SPATA17: variants seen among roughly 807,000 people sequenced by gnomAD.
SPATA17 encodes spermatogenesis-associated protein 17.
Under a neutral mutation model 62.2 loss-of-function variants are expected in SPATA17, and 53 were observed. That is an observed-to-expected ratio of 0.85 (90% CI 0.68 to 1.07). The LOEUF is 1.07. Ranked by LOEUF, SPATA17 falls within the 50% of genes least tolerant of loss-of-function variation. The pLI is 0.00. For missense variants in SPATA17, 466 were observed against 425.5 expected (o/e 1.10, Z -0.84); for synonymous variants, 146 against 146.8 (o/e 0.99, Z 0.04).
At chr1:217,812,550 T>A (rs1458592372) in intron 9 of SPATA17, among the ~76,000 whole-genome samples, 1 of 152,134 alleles carries the variant, frequency 6.6e-6, no homozygotes, top group Non-Finnish European at 1.5e-5. Context: ...TGTTAGATTC[T>A]AAGTCTGTGT....
chr1:217,664,528 C>T (rs1670649178), intron 3 of SPATA17, among the ~76,000 whole-genome samples: 1 of 151,906 alleles, frequency 6.6e-6, no homozygotes, highest in Non-Finnish European at 1.5e-5. Context: ...CTCCTGACCT[C>T]CAGTGATCTG....
intron 7 of SPATA17, among the ~76,000 whole-genome samples, chr1:217,778,281 G>A (rs756241058): frequency 3.9e-5 from 6 of 152,108 alleles, no homozygotes; most frequent in Admixed American, 6.5e-5. Context: ...GTGGATTACA[G>A]GCTGGAGTGG....
chr1:217,806,144 C>A (rs1674431725), intron 9 of SPATA17, among the ~76,000 whole-genome samples: 1 of 152,188 alleles, frequency 6.6e-6, no homozygotes, highest in African/African-American at 2.4e-5. Context: ...TCAGTGAAGT[C>A]TAAAACCTAA....
chr1:217,808,961 A>G (rs190525154), intron 9 of SPATA17, among the ~76,000 whole-genome samples: 36 of 152,310 alleles, frequency 2.4e-4, no homozygotes, highest in African/African-American at 8.7e-4. Flanking sequence ...ATAAAGGGAA[A>G]GCATCATGGT....
intron 8 of SPATA17, among the ~76,000 whole-genome samples, chr1:217,793,421 C>T (rs1674054014): frequency 1.3e-5 from 2 of 151,924 alleles, no homozygotes; most frequent in Admixed American, 1.3e-4. Flanking sequence ...GGGGTTTCAC[C>T]GTGTTAGCCA....
rs144297522 is a variant in SPATA17, at chr1:217,774,413, C to T, written c.599C>T (p.Thr200Ile). 7 of 1,614,030 alleles carry T rather than the reference C, an allele frequency of 4.3e-6. No individual in the cohort carries two copies. The East Asian group carries it at 1.6e-4, about 36-fold the overall frequency. ...CAATTACAGAAGGCAAAGCCTTTAA[C>T]ACACCGAAGACCTAAAGTTAAGCAG... ...ELQLQKAKPL[T>I]HRRPKVKQKD... The change falls in exon 7 of 11, where the codon ACA (threonine) becomes ATA (isoleucine). Residue 200 changes from threonine to isoleucine, a missense_variant. Coordinates refer to ENST00000366933, the MANE Select transcript of SPATA17 (RefSeq NM_138796.4).
chr1:217,818,441 G>A lies in SPATA17; in HGVS notation c.1005+16591G>A, dbSNP rs369247686. Among the ~76,000 whole-genome samples, 46 of 152,106 alleles carry A rather than the reference G, an allele frequency of 3.0e-4. No individual in the cohort carries two copies. The East Asian group carries it at 3.7e-3, about 12-fold the overall frequency. ...ATGGTATAGCCTACTACAGACCTACGGTATATGGTATAGCCTACTGCTCCT... is the reference window on the plus strand; with the variant it reads ...ATGGTATAGCCTACTACAGACCTACAGTATATGGTATAGCCTACTGCTCCT... On this transcript the variant is annotated intron_variant, in intron 9 of 10. Coordinates refer to ENST00000366933, the MANE Select transcript of SPATA17 (RefSeq NM_138796.4).
chr1:217,808,094 G>T (rs755661846), intron 9 of SPATA17, among the ~76,000 whole-genome samples: 1 of 152,098 alleles, frequency 6.6e-6, no homozygotes, highest in Non-Finnish European at 1.5e-5. Flanking sequence ...ACAAAACAAA[G>T]AATAGAGTAT....
chr1:217,732,195 A>G (rs1672418274), intron 5 of SPATA17, among the ~76,000 whole-genome samples: 1 of 152,154 alleles, frequency 6.6e-6, no homozygotes, highest in Admixed American at 6.6e-5. Flanking sequence ...GATTTCCAAG[A>G]TCAGCTGTAA....
intron 8 of SPATA17, among the ~76,000 whole-genome samples, chr1:217,791,061 A>G (rs976987960): frequency 6.6e-6 from 1 of 152,226 alleles, no homozygotes; most frequent in Non-Finnish European, 1.5e-5. Flanking sequence ...TTAACAATTC[A>G]ACTTTTATTT....
intron 5 of SPATA17, 143 bp downstream of exon 5, chr1:217,683,504 T>G: frequency 1.8e-6 from 1 of 561,112 alleles, no homozygotes; most frequent in South Asian, 2.2e-5. Flanking sequence ...AGTGGCGCAA[T>G]CTCGGCTCAC....
intron 8 of SPATA17, among the ~76,000 whole-genome samples, chr1:217,798,793 G>C (rs894388893): frequency 7.7e-5 from 11 of 142,480 alleles, no homozygotes; most frequent in African/African-American, 2.9e-4. Context: ...AGTTAAGTAA[G>C]ACAATACGAA....
chr1:217,762,248 T>G (rs1673187935), intron 6 of SPATA17, among the ~76,000 whole-genome samples: 1 of 152,214 alleles, frequency 6.6e-6, no homozygotes, highest in African/African-American at 2.4e-5. Flanking sequence ...CTCCAGTTGC[T>G]AGCTACGACC....
In SPATA17 at chr1:217,657,571, C is replaced by T. The variant is rs977339438; in HGVS notation, c.240+6393C>T. Reference sequence around the variant, plus strand: ...CACACTTAGTCCTAAATTAAGTTTGCTTAAATCATCATTTTCTTAATTTCT... The same window carrying T: ...CACACTTAGTCCTAAATTAAGTTTGTTTAAATCATCATTTTCTTAATTTCT... On this transcript the variant is annotated intron_variant, in intron 3 of 10. Transcript: ENST00000366933. Among the ~76,000 whole-genome samples, 4 of 152,210 alleles carry T rather than the reference C, an allele frequency of 2.6e-5. No individual in the cohort carries two copies. The East Asian group carries it at 7.7e-4, about 29-fold the overall frequency.
chr1:217,840,339 G>A (rs762667649), intron 9 of SPATA17, among the ~76,000 whole-genome samples: 4 of 151,982 alleles, frequency 2.6e-5, no homozygotes, highest in Non-Finnish European at 2.9e-5. Context: ...ATTATTCCTA[G>A]TAAACTGACA....
intron 5 of SPATA17, among the ~76,000 whole-genome samples, chr1:217,711,840 T>C (rs190583332): frequency 1.5e-3 from 229 of 152,280 alleles, no homozygotes; most frequent in African/African-American, 5.4e-3. Flanking sequence ...GGCTGATGGG[T>C]TGTCCTGAAG....
intron 9 of SPATA17, among the ~76,000 whole-genome samples, chr1:217,855,361 T>C (rs1271801748): frequency 6.6e-6 from 1 of 152,228 alleles, no homozygotes; most frequent in Non-Finnish European, 1.5e-5. Flanking sequence ...ACTAACAGGC[T>C]ACAGATCATT....
chr1:217,727,412 G>C (rs1672293245), intron 5 of SPATA17, among the ~76,000 whole-genome samples: 1 of 151,662 alleles, frequency 6.6e-6, no homozygotes, highest in South Asian at 2.1e-4. Context: ...AAGATCATCA[G>C]TATTAATATA....
intron 9 of SPATA17, among the ~76,000 whole-genome samples, chr1:217,806,949 T>C (rs778987488): frequency 2.6e-5 from 4 of 152,134 alleles, no homozygotes; most frequent in Non-Finnish European, 5.9e-5. Flanking sequence ...TACAGCATGG[T>C]GATTATAGTT....
Sources: gnomAD v4.1 joint callset for allele counts (sites outside exome capture counted in the v4.1 genomes callset) on GRCh38, gnomAD v4.1.1 for gene constraint, MANE v1.5 for transcripts, NCBI Gene and HGNC (gene_info 2026-07-23, HGNC 2026-07-21) for gene names.